Variants in ARID1B observed in about 807,000 individuals in gnomAD.
ARID1B encodes AT-rich interaction domain 1B.
In ARID1B, 30 loss-of-function variants were observed where a neutral mutation model predicts 212.3. The observed-to-expected ratio is 0.14, with a 90% confidence interval of 0.11 to 0.19. ARID1B has a LOEUF of 0.19. Among genes scored for constraint, ARID1B ranks in the 10% least tolerant of loss-of-function variants. The pLI is 1.00. For synonymous variants in ARID1B, 1,402 were observed against 1,301.7 expected, an observed-to-expected ratio of 1.08 and a Z score of -1.66; for missense variants, 2,891 against 3,204.0, an observed-to-expected ratio of 0.90 and a Z score of 2.36.
At chr6:156,938,925 A>T (rs1792464667) in intron 4 of ARID1B, 1 of 152,216 alleles carries the variant, frequency 6.6e-6, no homozygotes, top group South Asian at 2.1e-4. Flanking sequence ...CCTTCACATC[A>T]TCTGCAGAAG....
chr6:157,010,344 A>T (rs1583138508), intron 4 of ARID1B, among the ~76,000 whole-genome samples: 2 of 118,278 alleles, frequency 1.7e-5, no homozygotes, highest in Non-Finnish European at 1.6e-5. Flanking sequence ...TTTGGTTTTG[A>T]GATGGAGACT....
At chr6:157,123,231 G>GCCCCCTGC (rs1787879743) in intron 6 of ARID1B, among the ~76,000 whole-genome samples, 1 of 29,940 alleles carries the variant, frequency 3.3e-5, no homozygotes, top group Non-Finnish European at 6.6e-5. Context: ...TCTCCCCCCC[G>GCCCCCTGC]CCCCCCGCCC....
chr6:157,159,471 T>A (rs754354970), intron 8 of ARID1B, among the ~76,000 whole-genome samples: 1 of 152,286 alleles, frequency 6.6e-6, no homozygotes, highest in East Asian at 1.9e-4. Flanking sequence ...GTTACCTGCA[T>A]TGAAGCAAAA....
At chr6:157,039,322 C>CTTTCTTTTTTTTTTTTTTTTTTTTTTT (rs1781547108) in intron 4 of ARID1B, among the ~76,000 whole-genome samples, 3 of 102,952 alleles carry the variant, frequency 2.9e-5, no homozygotes, top group African/African-American at 4.0e-5. Flanking sequence ...TTTGACATTT[C>CTTTCTTTTTTTTTTTTTTTTTTTTTTT]TTTTTTTTTT....
At chr6:157,038,429 G>A (rs1473831629) in intron 4 of ARID1B, among the ~76,000 whole-genome samples, 2 of 152,144 alleles carry the variant, frequency 1.3e-5, no homozygotes, top group Middle Eastern at 3.2e-3. Flanking sequence ...AGTAATGACA[G>A]GTAAGATGAC....
At chr6:157,050,953 A>G (rs912987867) in intron 4 of ARID1B, among the ~76,000 whole-genome samples, 4 of 152,250 alleles carry the variant, frequency 2.6e-5, no homozygotes, top group African/African-American at 9.6e-5. Flanking sequence ...GATAAGTTCT[A>G]AAAGGCAGGA....
intron 2 of ARID1B, among the ~76,000 whole-genome samples, chr6:156,890,565 C>T (rs1787848877): frequency 1.3e-5 from 2 of 152,112 alleles, no homozygotes; most frequent in Admixed American, 1.3e-4. Flanking sequence ...CAGAAGTTAC[C>T]TGTTAGGAAG....
chr6:157,173,725 T>C (rs1311315184), intron 9 of ARID1B: 10 of 244,396 alleles, frequency 4.1e-5, no homozygotes, highest in Non-Finnish European at 7.0e-5. Flanking sequence ...GAAGGTATAA[T>C]AATTTTGAAA....
In ARID1B at chr6:157,022,042, C is replaced by G. The variant is rs569350705; in HGVS notation, c.2248-62620C>G. On this transcript the variant is annotated intron_variant, in intron 4 of 19. Coordinates refer to ENST00000636930, the MANE Select transcript of ARID1B (RefSeq NM_001374828.1). ...GGCTGGATGAGTTGGAACCCGTTCGCGTAATTAAAACGAGTGGCTGACGGT... is the reference window on the plus strand; with the variant it reads ...GGCTGGATGAGTTGGAACCCGTTCGGGTAATTAAAACGAGTGGCTGACGGT... Among the ~76,000 whole-genome samples, 519 of 152,292 alleles carry G rather than the reference C, an allele frequency of 3.4e-3. 3 individuals are homozygous for G. The highest frequency in any genetic ancestry group is 4.9e-3 in the Admixed American group (75 of 15,304).
chr6:156,987,875 A>G (rs1018866238), intron 4 of ARID1B, among the ~76,000 whole-genome samples: 1 of 152,222 alleles, frequency 6.6e-6, no homozygotes, highest in African/African-American at 2.4e-5. Flanking sequence ...TTTGAGTTGA[A>G]TAGTACCTTT....
chr6:156,961,930 C>T (rs547484403), intron 4 of ARID1B, among the ~76,000 whole-genome samples: 8 of 152,164 alleles, frequency 5.3e-5, no homozygotes, highest in East Asian at 1.9e-4. Context: ...AACACTGACC[C>T]TATTTTTACT....
At chr6:157,100,002 A>C (rs1785954579) in intron 5 of ARID1B, among the ~76,000 whole-genome samples, 1 of 152,120 alleles carries the variant, frequency 6.6e-6, no homozygotes, top group Non-Finnish European at 1.5e-5. Context: ...ATTTTGGATA[A>C]GGATTTAGGA....
At chr6:156,789,774 G>A (rs1473869352) in intron 1 of ARID1B, among the ~76,000 whole-genome samples, 1 of 152,214 alleles carries the variant, frequency 6.6e-6, no homozygotes, top group Non-Finnish European at 1.5e-5. Flanking sequence ...CCTCAGGCAA[G>A]TCACTTCGCT....
intron 19 of ARID1B, chr6:157,205,174 C>A (rs1794358308): frequency 6.6e-6 from 1 of 152,212 alleles, no homozygotes; most frequent in African/African-American, 2.4e-5. Context: ...GAACATTGTG[C>A]CTTCAGCACA....
chr6:156,883,947 G>A (rs1309367470), intron 2 of ARID1B, among the ~76,000 whole-genome samples: 3 of 152,162 alleles, frequency 2.0e-5, no homozygotes, highest in African/African-American at 7.2e-5. Flanking sequence ...AGCCAGAATC[G>A]CGGGACCCTC....
intron 8 of ARID1B, among the ~76,000 whole-genome samples, chr6:157,159,223 A>G (rs1027007562): frequency 6.6e-6 from 1 of 152,274 alleles, no homozygotes; most frequent in Non-Finnish European, 1.5e-5. Flanking sequence ...GCCAGGAAAG[A>G]GTCCGTAGTA....
intron 15 of ARID1B, among the ~76,000 whole-genome samples, chr6:157,192,981 C>T (rs1793489018): frequency 6.6e-6 from 1 of 152,156 alleles, no homozygotes; most frequent in African/African-American, 2.4e-5. Flanking sequence ...GTACAAGTAG[C>T]ATGGTCAGAG....
chr6:157,071,389 A>G (rs1003062809), intron 4 of ARID1B: 2 of 152,226 alleles, frequency 1.3e-5, no homozygotes, highest in Non-Finnish European at 2.9e-5. Context: ...TAGTTTTAGG[A>G]TACTCTTTCC....
Position 156,778,030 on chromosome 6 carries a change from T to C in ARID1B, c.350T>C (p.Leu117Pro), listed in dbSNP as rs1057520140. The C allele has an allele frequency of 4.2e-5, 64 of 1,533,646 alleles. No homozygotes were observed. The highest frequency in any genetic ancestry group is 5.6e-5 in the Non-Finnish European group (64 of 1,145,388). ...AAGGAGGGTGGAAGCGCCGCCGCGCTGTCCTCCTCCTCCTCCTCCTCCGCG... is the reference window on the plus strand; with the variant it reads ...AAGGAGGGTGGAAGCGCCGCCGCGCCGTCCTCCTCCTCCTCCTCCTCCGCG... ...ALKEGGSAAALSSSSSSSAAA... is the reference protein window; with the variant it reads ...ALKEGGSAAAPSSSSSSSAAA... The change falls in exon 1 of 20, where the codon CTG becomes CCG. Residue 117 changes from leucine (L) to proline (P), a missense_variant. This residue lies in a region of ARID1B where 1,643 missense variants were observed against 1,544.0 expected (regional missense o/e 1.06). Coordinates refer to ENST00000636930, the MANE Select transcript of ARID1B (RefSeq NM_001374828.1).
Sources: gnomAD v4.1 joint callset for allele counts (sites outside exome capture counted in the v4.1 genomes callset) on GRCh38, gnomAD v4.1.1 for gene constraint, gnomAD v4.1.1 regional missense constraint, MANE v1.5 for transcripts, NCBI Gene and HGNC (gene_info 2026-07-23, HGNC 2026-07-21) for gene names.